The following PTPRG variants were observed in gnomAD, a reference collection of about 807,000 sequenced individuals.
PTPRG encodes protein tyrosine phosphatase receptor type G, also known as receptor-type tyrosine-protein phosphatase gamma.
PTPRG carries 102 observed loss-of-function variants against 165.3 expected under a neutral mutation model. That is an observed-to-expected ratio of 0.62 (90% CI 0.53 to 0.73). PTPRG has a LOEUF of 0.73. PTPRG is among the 30% of genes least tolerant of loss of function. The pLI, the probability that PTPRG is intolerant of heterozygous loss-of-function variation, is 0.00. For synonymous variants in PTPRG, 675 were observed against 669.5 expected (o/e 1.01, Z -0.13); for missense variants, 1,866 against 1,861.4 (o/e 1.00, Z -0.05).
intron 2 of PTPRG, among the ~76,000 whole-genome samples, chr3:61,838,368 C>T (rs905078195): frequency 6.6e-6 from 1 of 152,168 alleles, no homozygotes; most frequent in Non-Finnish European, 1.5e-5. Flanking sequence ...TATATAGTTT[C>T]TTTTCCCTTT....
At chr3:61,804,691 A>AT (rs1553671996) in intron 2 of PTPRG, among the ~76,000 whole-genome samples, 57 of 152,082 alleles carry the variant, frequency 3.7e-4, no homozygotes, top group Admixed American at 5.9e-4. Context: ...AAAAAAAAAA[A>AT]AAAATAAAAT....
intron 2 of PTPRG, among the ~76,000 whole-genome samples, chr3:61,806,778 A>G (rs753249380): frequency 2.1e-4 from 32 of 152,164 alleles, no homozygotes; most frequent in Non-Finnish European, 4.1e-4. Context: ...GCCTCATAAA[A>G]CCAGTGTCTA....
At chr3:62,211,611 G>A (rs1251739098) in intron 12 of PTPRG, among the ~76,000 whole-genome samples, 2 of 152,074 alleles carry the variant, frequency 1.3e-5, no homozygotes, top group East Asian at 3.9e-4. Context: ...AATTCCCCAC[G>A]ATGGAAACAG....
chr3:62,029,619 G>A (rs1575910717), intron 4 of PTPRG, among the ~76,000 whole-genome samples: 1 of 152,172 alleles, frequency 6.6e-6, no homozygotes, highest in Middle Eastern at 3.4e-3. Flanking sequence ...AAAACCCAAG[G>A]CAAATTGACT....
intron 2 of PTPRG, among the ~76,000 whole-genome samples, chr3:61,797,907 A>G (rs1255573393): frequency 7.1e-6 from 1 of 140,984 alleles, no homozygotes; most frequent in African/African-American, 2.9e-5. Context: ...AAGGAGAAAA[A>G]AATGAAAAAA....
chr3:62,161,980 G>A (rs1704783337), intron 7 of PTPRG, among the ~76,000 whole-genome samples: 1 of 152,228 alleles, frequency 6.6e-6, no homozygotes, highest in East Asian at 1.9e-4. Flanking sequence ...ATAATGGACC[G>A]TGGTTTTGTT....
intron 8 of PTPRG, among the ~76,000 whole-genome samples, chr3:62,175,218 ATTG>A (rs1705370070): frequency 6.6e-6 from 1 of 152,202 alleles, no homozygotes; most frequent in African/African-American, 2.4e-5. Context: ...TTTTGTATCA[ATTG>A]TTGTAGCTAG....
chr3:61,726,940 G>T (rs577830379), intron 1 of PTPRG, among the ~76,000 whole-genome samples: 1 of 152,104 alleles, frequency 6.6e-6, no homozygotes, highest in Non-Finnish European at 1.5e-5. Flanking sequence ...CCAGCTACTC[G>T]GGAGACTGAG....
chr3:61,631,308 T>C (rs1701769304), intron 1 of PTPRG, among the ~76,000 whole-genome samples: 1 of 152,222 alleles, frequency 6.6e-6, no homozygotes, highest in South Asian at 2.1e-4. Flanking sequence ...CGGTTTTGCT[T>C]TCTGTGGTTT....
chr3:61,619,879 A>T (rs1026688527), intron 1 of PTPRG, among the ~76,000 whole-genome samples: 2 of 152,154 alleles, frequency 1.3e-5, no homozygotes, highest in Non-Finnish European at 2.9e-5. Context: ...TTGGGTAAAC[A>T]TCACCTCTTA....
intron 2 of PTPRG, among the ~76,000 whole-genome samples, chr3:61,765,844 G>T (rs1397568549): frequency 1.8e-4 from 28 of 152,196 alleles, no homozygotes; most frequent in Admixed American, 1.8e-3. Flanking sequence ...ATCTACACGT[G>T]TTATGGTGGC....
At chr3:61,809,256 A>G (rs909927502) in intron 2 of PTPRG, among the ~76,000 whole-genome samples, 3 of 151,942 alleles carry the variant, frequency 2.0e-5, no homozygotes, top group Admixed American at 6.6e-5. Flanking sequence ...GGAGTAAGGT[A>G]TAATTATATT....
rs375895955 is a variant in PTPRG at position 62,183,594 on chromosome 3, A to T, written c.1034-7875A>T. On this transcript the variant is annotated intron_variant, in intron 8 of 29. Coordinates refer to ENST00000474889, the MANE Select transcript of PTPRG (RefSeq NM_002841.4). ...AAAAAAAAAAAAAAAAGAATGGCAC[A>T]GAATGAAGGCCTTGGTGGGTGGGCA... Among the ~76,000 whole-genome samples the T allele has an allele frequency of 2.0e-5, 3 of 151,428 alleles. No individual in the cohort carries two copies. The East Asian group carries it at 5.8e-4, about 29-fold the overall frequency.
intron 1 of PTPRG, among the ~76,000 whole-genome samples, chr3:61,611,156 A>C (rs1278991491): frequency 6.6e-6 from 1 of 152,150 alleles, no homozygotes; most frequent in Admixed American, 6.6e-5. Context: ...GATCCTAATC[A>C]TCCTGTAATA....
chr3:61,664,938 C>T (rs968548265), intron 1 of PTPRG, among the ~76,000 whole-genome samples: 1 of 152,200 alleles, frequency 6.6e-6, no homozygotes, highest in Non-Finnish European at 1.5e-5. Flanking sequence ...AGGAACTGGA[C>T]ATCCCCTGTT....
chr3:61,986,570 T>C lies in PTPRG; in HGVS notation c.191-3055T>C, dbSNP rs552336334. Among the ~76,000 whole-genome samples the C allele has an allele frequency of 8.8e-4, 134 of 152,342 alleles. 1 individual carries two copies. The highest frequency in any genetic ancestry group is 3.0e-3 in the African/African-American group (124 of 41,588). On this transcript the variant is annotated intron_variant, in intron 2 of 29. Coordinates refer to ENST00000474889, the MANE Select transcript of PTPRG (RefSeq NM_002841.4). ...CTTAGAGGTTGGCAGTATGTCTCAA[T>C]CAAAATCTCATTTCTTTAAGACTTT...
At chr3:61,852,518 T>C (rs367728216) in intron 2 of PTPRG, among the ~76,000 whole-genome samples, 3 of 152,210 alleles carry the variant, frequency 2.0e-5, no homozygotes, top group African/African-American at 4.8e-5. Context: ...CATGGACATA[T>C]ACTGTTAGCA....
intron 2 of PTPRG, among the ~76,000 whole-genome samples, chr3:61,839,270 A>C (rs2036553649): frequency 6.6e-6 from 1 of 152,184 alleles, no homozygotes; most frequent in Non-Finnish European, 1.5e-5. Flanking sequence ...CACCTGAAAA[A>C]TATTTACTGT....
chr3:62,028,589 A>G (rs1361757259), intron 4 of PTPRG, among the ~76,000 whole-genome samples: 2 of 152,328 alleles, frequency 1.3e-5, no homozygotes, highest in East Asian at 3.9e-4. Context: ...GTTGGCCATC[A>G]AGGAGGTCGG....
Sources: gnomAD v4.1 joint callset for allele counts (sites outside exome capture counted in the v4.1 genomes callset) on GRCh38, gnomAD v4.1.1 for gene constraint, MANE v1.5 for transcripts, NCBI Gene and HGNC (gene_info 2026-07-23, HGNC 2026-07-21) for gene names.